The following PAK5 variants were observed in gnomAD, a reference collection of about 807,000 sequenced individuals.
PAK5 encodes serine/threonine-protein kinase PAK 5.
A neutral mutation model predicts 65.9 loss-of-function variants in PAK5; 16 were observed. That is an observed-to-expected ratio of 0.24 (90% confidence interval 0.16 to 0.37). The LOEUF is 0.37. Ranked by LOEUF, PAK5 falls within the 10% of genes least tolerant of loss-of-function variation. The probability of loss-of-function intolerance (pLI) is 1.00; values close to 1 mark genes in which losing one functional copy is unlikely to be tolerated. For synonymous variants in PAK5, 371 were observed against 354.9 expected, an observed-to-expected ratio of 1.05 and a Z score of -0.51; for missense variants, 785 against 903.9, an observed-to-expected ratio of 0.87 and a Z score of 1.69.
intron 1 of PAK5, among the ~76,000 whole-genome samples, chr20:9,831,064 G>C (rs775462949): frequency 1.3e-5 from 2 of 152,218 alleles, no homozygotes; most frequent in Non-Finnish European, 2.9e-5. Context: ...GGCTGGGTGT[G>C]GGGGAAGAAC....
intron 3 of PAK5, among the ~76,000 whole-genome samples, chr20:9,599,551 C>T (rs555181810): frequency 6.6e-6 from 1 of 152,296 alleles, no homozygotes; most frequent in African/African-American, 2.4e-5. Context: ...TCATAGCCAT[C>T]CTAATGGGTG....
intron 5 of PAK5, among the ~76,000 whole-genome samples, chr20:9,564,907 A>T (rs1191043160): frequency 6.6e-6 from 1 of 151,754 alleles, no homozygotes; most frequent in Non-Finnish European, 1.5e-5. Context: ...AAAAATAAGT[A>T]ATGTATGCTG....
At chr20:9,557,063 C>T (rs1026391605) in intron 7 of PAK5, among the ~76,000 whole-genome samples, 2 of 152,154 alleles carry the variant, frequency 1.3e-5, no homozygotes, top group African/African-American at 4.8e-5. Context: ...AGGACCTTGC[C>T]TCACCACTTC....
At chr20:9,699,423 A>G (rs572642568) in intron 2 of PAK5, among the ~76,000 whole-genome samples, 14 of 152,196 alleles carry the variant, frequency 9.2e-5, no homozygotes, top group African/African-American at 3.1e-4. Flanking sequence ...ATCTGTATGG[A>G]AACACCAGTT....
At chr20:9,722,550 TGCAGTGA>T (rs2123524026) in intron 1 of PAK5, among the ~76,000 whole-genome samples, 1 of 151,920 alleles carries the variant, frequency 6.6e-6, no homozygotes, top group South Asian at 2.1e-4. Flanking sequence ...AGGCGGAGCT[TGCAGTGA>T]GCCGCGATCG....
chr20:9,835,835 C>T (rs1309857675), intron 1 of PAK5, among the ~76,000 whole-genome samples: 2 of 152,112 alleles, frequency 1.3e-5, no homozygotes, highest in East Asian at 3.8e-4. Context: ...GATAGTGGTG[C>T]CATTTACCAG....
At chr20:9,652,052 G>C (rs1006072743) in intron 2 of PAK5, among the ~76,000 whole-genome samples, 6 of 152,154 alleles carry the variant, frequency 3.9e-5, no homozygotes, top group African/African-American at 1.2e-4. Flanking sequence ...CTCACGAAGA[G>C]AGATTTTTCT....
intron 1 of PAK5, among the ~76,000 whole-genome samples, chr20:9,732,207 T>C (rs1349128626): frequency 6.6e-6 from 1 of 152,072 alleles, no homozygotes; most frequent in Non-Finnish European, 1.5e-5. Flanking sequence ...AAAAAAGTTT[T>C]AACAGCTTAA....
intron 2 of PAK5, among the ~76,000 whole-genome samples, chr20:9,696,031 T>A (rs2047864732): frequency 6.6e-6 from 1 of 152,074 alleles, no homozygotes; most frequent in Non-Finnish European, 1.5e-5. Context: ...ATCCAAAATA[T>A]TTTTATTTCA....
chr20:9,749,092 G>T (rs1201420854), intron 1 of PAK5, among the ~76,000 whole-genome samples: 1 of 151,986 alleles, frequency 6.6e-6, no homozygotes, highest in South Asian at 2.1e-4. Flanking sequence ...TTATTTGTAT[G>T]AATAATATGA....
At chr20:9,609,928 G>A (rs2046526642) in intron 3 of PAK5, among the ~76,000 whole-genome samples, 2 of 152,194 alleles carry the variant, frequency 1.3e-5, no homozygotes, top group Non-Finnish European at 2.9e-5. Context: ...TAATCAGCCT[G>A]TGACGGTAGA....
At chr20:9,773,125 C>T (rs1427784985) in intron 1 of PAK5, among the ~76,000 whole-genome samples, 1 of 152,190 alleles carries the variant, frequency 6.6e-6, no homozygotes, top group Non-Finnish European at 1.5e-5. Flanking sequence ...GACAAGCTGG[C>T]TTTGCCTAAA....
intron 2 of PAK5, among the ~76,000 whole-genome samples, chr20:9,664,866 A>T (rs113092031): frequency 1.2e-3 from 184 of 151,946 alleles, no homozygotes; most frequent in African/African-American, 3.8e-3. Flanking sequence ...TTATTTTACT[A>T]AAAAAAAGAA....
chr20:9,832,864 G>T (rs964437195), intron 1 of PAK5, among the ~76,000 whole-genome samples: 1 of 152,018 alleles, frequency 6.6e-6, no homozygotes, highest in Non-Finnish European at 1.5e-5. Context: ...GGGTGCTATT[G>T]TTTACTCACT....
At chr20:9,613,472 A>C (rs2123153792) in intron 3 of PAK5, among the ~76,000 whole-genome samples, 1 of 152,314 alleles carries the variant, frequency 6.6e-6, no homozygotes, top group African/African-American at 2.4e-5. Flanking sequence ...AGGAGGGCCC[A>C]ATCTGAGGGG....
chr20:9,562,215 G>A (rs1314491061), intron 6 of PAK5, among the ~76,000 whole-genome samples: 1 of 151,956 alleles, frequency 6.6e-6, no homozygotes, highest in Non-Finnish European at 1.5e-5. Flanking sequence ...TTCTGCACAG[G>A]TATTATAATG....
In PAK5 at chr20:9,703,097, C is replaced by T. The variant is rs113994217; in HGVS notation, c.-12+8189G>A. 2.5e-3 allele frequency among the ~76,000 whole-genome samples: 379 copies of T among 152,246 alleles called. 2 individuals carry two copies. The highest frequency in any genetic ancestry group is 8.5e-3 in the African/African-American group (352 of 41,534). On this transcript the variant is annotated intron_variant, in intron 2 of 9. Transcript: ENST00000353224. Reference sequence around the variant, plus strand: ...ATTCTAACATCCCTCCTCTCTGAGCCGTCAGACCCTTTATTGAGACTGTCA... The same window carrying T: ...ATTCTAACATCCCTCCTCTCTGAGCTGTCAGACCCTTTATTGAGACTGTCA...
intron 2 of PAK5, among the ~76,000 whole-genome samples, chr20:9,666,350 A>T (rs1600218112): frequency 6.6e-6 from 1 of 151,710 alleles, no homozygotes; most frequent in East Asian, 2.0e-4. Flanking sequence ...GAAAGAATGA[A>T]AGGTCAGGCA....
chr20:9,608,473 G>T (rs2046496309), intron 3 of PAK5, among the ~76,000 whole-genome samples: 1 of 152,204 alleles, frequency 6.6e-6, no homozygotes, highest in African/African-American at 2.4e-5. Flanking sequence ...TTCCTTCCTG[G>T]TGTGGATTTG....
Sources: gnomAD v4.1 joint callset for allele counts (sites outside exome capture counted in the v4.1 genomes callset) on GRCh38, gnomAD v4.1.1 for gene constraint, MANE v1.5 for transcripts, NCBI Gene and HGNC (gene_info 2026-07-23, HGNC 2026-07-21) for gene names.